The following DDX46 variants were observed in gnomAD, a reference collection of about 807,000 sequenced individuals.
DDX46 encodes the protein DEAD-box helicase 46.
DDX46 carries 30 observed loss-of-function variants against 134.9 expected under a neutral mutation model. That is an observed-to-expected ratio of 0.22 (90% CI 0.17 to 0.30). The LOEUF is 0.30. DDX46 is among the 10% of genes least tolerant of loss of function. The probability of loss-of-function intolerance (pLI) is 1.00; values close to 1 mark genes in which losing one functional copy is unlikely to be tolerated. For missense variants in DDX46, 622 were observed against 1,248.7 expected (o/e 0.50, Z 7.56); for synonymous variants, 415 against 404.1 (o/e 1.03, Z -0.32).
chr5:134,776,786 G>A (rs1052140442), intron 5 of DDX46, among the ~76,000 whole-genome samples: 5 of 151,594 alleles, frequency 3.3e-5, no homozygotes, highest in South Asian at 2.1e-4. Context: ...GGTGGCGCAC[G>A]CCTGTAATCC....
chr5:134,811,469 T>C, intron 17 of DDX46, 111 bp downstream of exon 17: 1 of 1,392,772 alleles, frequency 7.2e-7, no homozygotes, highest in Non-Finnish European at 9.6e-7. Flanking sequence ...GCTACGACTA[T>C]TTTTATTTCT....
chr5:134,785,403 C>T, intron 10 of DDX46, 62 bp from the exon 11 acceptor site: 2 of 1,478,554 alleles, frequency 1.4e-6, no homozygotes, highest in Non-Finnish European at 1.8e-6. Context: ...TTAAATTGAA[C>T]ACTATAAAGC....
At chr5:134,782,389 C>G (rs1194255322) in intron 8 of DDX46, among the ~76,000 whole-genome samples, 1 of 151,974 alleles carries the variant, frequency 6.6e-6, no homozygotes, top group Non-Finnish European at 1.5e-5. Context: ...CACCTGTAAT[C>G]CTAGCACTTT....
At chr5:134,824,685 A>C (rs1755542605) in intron 21 of DDX46, among the ~76,000 whole-genome samples, 1 of 152,232 alleles carries the variant, frequency 6.6e-6, no homozygotes, top group African/African-American at 2.4e-5. Context: ...AGGTAATTAG[A>C]TTTTTTAAAG....
chr5:134,771,912 A>G (rs1044720936), intron 4 of DDX46, among the ~76,000 whole-genome samples: 1 of 152,192 alleles, frequency 6.6e-6, no homozygotes, highest in East Asian at 1.9e-4. Context: ...AACATTATCA[A>G]TTGCCTTCCA....
At chr5:134,808,211 T>C (rs1431403526) in intron 16 of DDX46, among the ~76,000 whole-genome samples, 1 of 152,224 alleles carries the variant, frequency 6.6e-6, no homozygotes, top group Non-Finnish European at 1.5e-5. Context: ...TAAACGTTTC[T>C]ATACAGATGT....
intron 3 of DDX46, among the ~76,000 whole-genome samples, chr5:134,767,479 T>C (rs1398755584): frequency 6.6e-6 from 1 of 152,002 alleles, no homozygotes; most frequent in African/African-American, 2.4e-5. Flanking sequence ...TGGGATTATA[T>C]GAAGAGGCAG....
intron 4 of DDX46, among the ~76,000 whole-genome samples, chr5:134,772,244 C>A (rs1466982910): frequency 6.6e-6 from 1 of 151,606 alleles, no homozygotes; most frequent in Admixed American, 6.6e-5. Context: ...AATGTGAAGG[C>A]CAGGCATGGT....
In DDX46 at chr5:134,818,988, T is replaced by C; in HGVS notation, c.2961T>C (p.Ile987=). 15 of 1,613,548 alleles carry C rather than the reference T, an allele frequency of 9.3e-6. No individual in the cohort carries two copies. Among genetic ancestry groups the C allele is most frequent in the Non-Finnish European group, 1.3e-5 (15 of 1,179,762 alleles). ...AACCCAAGGAAGGCGAGCGGAAGATTTACTTGGCAATTGAAAGTATGTACT... is the reference window on the plus strand; with the variant it reads ...AACCCAAGGAAGGCGAGCGGAAGATCTACTTGGCAATTGAAAGTATGTACT... The part of the protein sequence containing the change: ...GKEPKEGERK[I]YLAIESANEL... The change falls in exon 21 of 23, where the codon ATT becomes ATC. Residue 987 remains isoleucine (I), a synonymous_variant. Coordinates refer to ENST00000452510, the MANE Select transcript of DDX46 (RefSeq NM_001300860.2).
chr5:134,817,501 G>T lies in DDX46; in HGVS notation c.2619G>T (p.Val873=), dbSNP rs147600358. 20 of 1,613,580 alleles carry T rather than the reference G, an allele frequency of 1.2e-5. No homozygotes were observed. The highest frequency in any genetic ancestry group is 1.5e-5 in the Non-Finnish European group (18 of 1,179,816). Residue 873 remains valine, a synonymous_variant, in exon 20 of 23, where the codon GTG becomes GTT. Transcript: ENST00000452510. ...KNLGIESQVD[V]MQQATNAILR... ...TAAGTCTTCTTTAACTACAGGATGT[G>T]ATGCAGCAGGCCACCAATGCAATTC...
At chr5:134,788,702 G>A in intron 12 of DDX46, 111 bp downstream of exon 12, 1 of 979,304 alleles carries the variant, frequency 1.0e-6, no homozygotes, top group Admixed American at 2.3e-5. Flanking sequence ...TCTTAAAGCT[G>A]CAGTATCTTA....
chr5:134,795,508 A>G (rs2150148548), intron 14 of DDX46, among the ~76,000 whole-genome samples: 1 of 152,268 alleles, frequency 6.6e-6, no homozygotes, highest in East Asian at 1.9e-4. Flanking sequence ...AAGTAAAATA[A>G]AACGTTGTTT....
chr5:134,813,020 C>G (rs922085703), intron 18 of DDX46, among the ~76,000 whole-genome samples: 7 of 152,050 alleles, frequency 4.6e-5, no homozygotes, highest in Non-Finnish European at 1.0e-4. Context: ...TGGCTCACTG[C>G]AACCTCTGCC....
chr5:134,777,803 T>G (rs1308309426), intron 6 of DDX46, 78 bp downstream of exon 6: 1 of 1,473,074 alleles, frequency 6.8e-7, no homozygotes, highest in Non-Finnish European at 9.0e-7. Flanking sequence ...TCCTACTGAT[T>G]GGCATGACTT....
chr5:134,797,859 C>A (rs559474678), intron 15 of DDX46, among the ~76,000 whole-genome samples: 1 of 152,314 alleles, frequency 6.6e-6, no homozygotes, highest in Non-Finnish European at 1.5e-5. Context: ...GTTGCCCAGG[C>A]TGGAGTGCAA....
rs1754599796 is a variant in DDX46 at position 134,794,729 on chromosome 5, CTG to C, written c.1627-118_1627-117del. 4.0e-6 allele frequency: 5 copies of C among 1,237,612 alleles called. No individual in the cohort carries two copies. In the Admixed American group the frequency reaches 1.2e-4, roughly 29 times the overall value. 76.7% of individuals were successfully genotyped at this position (1,237,612 alleles called of 1,614,324 possible). ...GTTGTCATTTCTTGAGATTGGGAGA[CTG>C]TGGGAGTGGCAAAACTGAGACAGTT... is the stretch of plus-strand genomic sequence containing the variant. On this transcript the variant is annotated intron_variant, in intron 13 of 22. Coordinates refer to ENST00000452510, the MANE Select transcript of DDX46 (RefSeq NM_001300860.2).
intron 4 of DDX46, among the ~76,000 whole-genome samples, chr5:134,771,808 A>C (rs1159177811): frequency 6.6e-6 from 1 of 152,238 alleles, no homozygotes; most frequent in African/African-American, 2.4e-5. Flanking sequence ...GGAAGATTAA[A>C]TAATATTTAC....
intron 9 of DDX46, among the ~76,000 whole-genome samples, chr5:134,783,308 G>A (rs1754215071): frequency 6.6e-6 from 1 of 150,926 alleles, no homozygotes. Flanking sequence ...GGAGTGCAGT[G>A]GTGCAATCTC....
intron 13 of DDX46, among the ~76,000 whole-genome samples, chr5:134,791,671 T>C (rs559452423): frequency 1.9e-4 from 29 of 152,300 alleles, no homozygotes; most frequent in Middle Eastern, 3.4e-3. Context: ...ACCATAGTAA[T>C]GGAAATGTGC....
Sources: gnomAD v4.1 joint callset for allele counts (sites outside exome capture counted in the v4.1 genomes callset) on GRCh38, gnomAD v4.1.1 for gene constraint, MANE v1.5 for transcripts, NCBI Gene and HGNC (gene_info 2026-07-23, HGNC 2026-07-21) for gene names.